CNOT1: variants seen among roughly 807,000 people sequenced by gnomAD.
CNOT1 encodes CCR4-associated factor 1.
CNOT1 carries 15 observed loss-of-function variants against 273.8 expected under a neutral mutation model. The observed-to-expected ratio is 0.05, with a 90% CI of 0.04 to 0.08. The LOEUF (loss-of-function observed/expected upper bound fraction) is 0.08. Ranked by LOEUF, CNOT1 falls within the 10% of genes least tolerant of loss-of-function variation. The pLI is 1.00. For synonymous variants in CNOT1, 1,022 were observed against 1,005.5 expected, an observed-to-expected ratio of 1.02 and a Z score of -0.31; for missense variants, 1,644 against 2,912.2, an observed-to-expected ratio of 0.56 and a Z score of 10.02.
intron 44 of CNOT1, among the ~76,000 whole-genome samples, chr16:58,526,500 CACTT>C (rs1317670792): frequency 7.5e-6 from 1 of 132,524 alleles, no homozygotes; most frequent in Non-Finnish European, 1.5e-5. Flanking sequence ...CCAGACATCA[CACTT>C]ACTCCTTAAA....
intron 2 of CNOT1, among the ~76,000 whole-genome samples, chr16:58,590,640 C>G (rs2042021199): frequency 6.6e-6 from 1 of 152,062 alleles, no homozygotes; most frequent in African/African-American, 2.4e-5. Flanking sequence ...TGGCTTACAC[C>G]TGTAATCCAA....
chr16:58,551,858 T>C (rs1354498413), intron 22 of CNOT1, 39 bp from the exon 23 acceptor site: 1 of 1,608,630 alleles, frequency 6.2e-7, no homozygotes. Flanking sequence ...TAACCTTAAT[T>C]GCTAAGTCTG....
intron 46 of CNOT1, 100 bp from the exon 47 acceptor site, chr16:58,523,602 A>T: frequency 9.1e-7 from 1 of 1,098,842 alleles, no homozygotes; most frequent in Non-Finnish European, 1.3e-6. Flanking sequence ...AGAGGCTTTC[A>T]AATTAATCTT....
chr16:58,587,083 A>T, intron 6 of CNOT1, 118 bp downstream of exon 6: 2 of 1,366,520 alleles, frequency 1.5e-6, no homozygotes, highest in South Asian at 2.9e-5. Context: ...TACCACAGAT[A>T]AAGAGAAATT....
chr16:58,550,638 A>G (rs1275851185), intron 24 of CNOT1, among the ~76,000 whole-genome samples: 1 of 152,230 alleles, frequency 6.6e-6, no homozygotes. Flanking sequence ...CATGGCAGAA[A>G]AAATAGTAGG....
chr16:58,592,833 T>C (rs2042109472), intron 2 of CNOT1, among the ~76,000 whole-genome samples: 1 of 151,944 alleles, frequency 6.6e-6, no homozygotes, highest in South Asian at 2.1e-4. Flanking sequence ...TGGTCAAGAG[T>C]ATAGAGCTGA....
chr16:58,588,938 G>T (rs34014750), intron 2 of CNOT1, 32 bp from the exon 3 acceptor site: 2 of 1,534,218 alleles, frequency 1.3e-6, no homozygotes. Flanking sequence ...TGTTTAATAA[G>T]GGAAGATAAA....
chr16:58,525,893 TAA>T, intron 45 of CNOT1, 94 bp downstream of exon 45: 3 of 1,027,480 alleles, frequency 2.9e-6, no homozygotes, highest in Admixed American at 2.3e-5. Flanking sequence ...GAAATGACAA[TAA>T]AAGACTAACT....
At chr16:58,592,453 C>T (rs2042095770) in intron 2 of CNOT1, among the ~76,000 whole-genome samples, 2 of 152,210 alleles carry the variant, frequency 1.3e-5, no homozygotes, top group African/African-American at 4.8e-5. Context: ...TGGAGCACAG[C>T]TATAGTCCTA....
intron 3 of CNOT1, among the ~76,000 whole-genome samples, 196 bp downstream of exon 3, chr16:58,588,603 C>G (rs1022426187): frequency 3.9e-5 from 6 of 152,100 alleles, no homozygotes; most frequent in African/African-American, 1.4e-4. Flanking sequence ...TAAACCTGAA[C>G]TAGGTAGCTG....
At chr16:58,536,063 T>A (rs1156288155) in intron 39 of CNOT1, among the ~76,000 whole-genome samples, 1 of 152,196 alleles carries the variant, frequency 6.6e-6, no homozygotes. Flanking sequence ...AAATAACTTC[T>A]AGAATTGAAG....
intron 2 of CNOT1, among the ~76,000 whole-genome samples, chr16:58,594,884 A>G (rs2042196219): frequency 6.6e-6 from 1 of 152,024 alleles, no homozygotes; most frequent in African/African-American, 2.4e-5. Flanking sequence ...TGGGAGGCTG[A>G]GGCAGGTGGA....
chr16:58,584,780 A>G (rs2041779832), intron 8 of CNOT1, among the ~76,000 whole-genome samples: 2 of 152,244 alleles, frequency 1.3e-5, no homozygotes, highest in Non-Finnish European at 2.9e-5. Context: ...AGGATTTTTA[A>G]GTCAAAGCAA....
intron 1 of CNOT1, among the ~76,000 whole-genome samples, chr16:58,604,796 TAA>T (rs1218956366): frequency 2.1e-5 from 1 of 48,442 alleles, no homozygotes; most frequent in African/African-American, 8.5e-5. Context: ...AAACTCCGTC[TAA>T]AAAAAAAAAA....
chr16:58,539,667 T>C, intron 35 of CNOT1, 101 bp downstream of exon 35: 1 of 1,206,926 alleles, frequency 8.3e-7, no homozygotes, highest in Non-Finnish European at 1.1e-6. Flanking sequence ...ATTTATATTA[T>C]GAAATCTTAA....
intron 2 of CNOT1, among the ~76,000 whole-genome samples, chr16:58,594,471 T>G (rs2042177943): frequency 6.6e-6 from 1 of 152,072 alleles, no homozygotes; most frequent in South Asian, 2.1e-4. Context: ...GTTGCACAAC[T>G]TTGTGAATCT....
chr16:58,581,634 T>C, intron 10 of CNOT1, 119 bp from the exon 11 acceptor site: 4 of 1,411,226 alleles, frequency 2.8e-6, no homozygotes, highest in Non-Finnish European at 3.7e-6. Flanking sequence ...AAATTTTTAA[T>C]GTGAATTTTA....
intron 30 of CNOT1, among the ~76,000 whole-genome samples, chr16:58,544,475 T>C (rs2040194030): frequency 6.6e-6 from 1 of 151,888 alleles, no homozygotes; most frequent in Non-Finnish European, 1.5e-5. Context: ...AACTAGCATA[T>C]AATAGTGTTC....
At chr16:58,573,871 T>C (rs915186459) in intron 16 of CNOT1, among the ~76,000 whole-genome samples, 2 of 152,056 alleles carry the variant, frequency 1.3e-5, no homozygotes, top group African/African-American at 4.8e-5. Context: ...GGGAAATTCA[T>C]AATCCCCAAT....
Sources: gnomAD v4.1 joint callset for allele counts (sites outside exome capture counted in the v4.1 genomes callset) on GRCh38, gnomAD v4.1.1 for gene constraint, MANE v1.5 for transcripts, NCBI Gene and HGNC (gene_info 2026-07-23, HGNC 2026-07-21) for gene names.